The following LPP variants were observed in gnomAD, a reference collection of about 807,000 sequenced individuals.
LPP encodes the protein lipoma-preferred partner.
Under a neutral mutation model 60.4 loss-of-function variants are expected in LPP, and 38 were observed. That is an observed-to-expected ratio of 0.63 (90% CI 0.49 to 0.83). The LOEUF is 0.83. Among genes scored for constraint, LPP ranks in the 40% least tolerant of loss-of-function variants. LPP has a pLI of 0.00. For synonymous variants in LPP, 328 were observed against 290.8 expected (o/e 1.13, Z -1.30); for missense variants, 902 against 783.6 (o/e 1.15, Z -1.80).
At chr3:188,678,693 C>T (rs1407408468) in intron 7 of LPP, among the ~76,000 whole-genome samples, 3 of 152,084 alleles carry the variant, frequency 2.0e-5, no homozygotes, top group African/African-American at 7.2e-5. Flanking sequence ...TTTTTGGGCA[C>T]CCTCAATGGC....
chr3:188,787,235 T>C (rs1407583154), intron 9 of LPP, among the ~76,000 whole-genome samples: 3 of 152,196 alleles, frequency 2.0e-5, no homozygotes, highest in Non-Finnish European at 4.4e-5. Context: ...TAAAGGGTAC[T>C]TAGATCTCTA....
chr3:188,767,177 TA>T (rs1734418594), intron 9 of LPP, among the ~76,000 whole-genome samples: 1 of 151,940 alleles, frequency 6.6e-6, no homozygotes, highest in African/African-American at 2.4e-5. Flanking sequence ...AAACTACTGG[TA>T]AAAAAATAAA....
chr3:188,505,152 C>A (rs1813085713), intron 5 of LPP, among the ~76,000 whole-genome samples: 1 of 152,160 alleles, frequency 6.6e-6, no homozygotes, highest in Non-Finnish European at 1.5e-5. Context: ...AGACTCTGGA[C>A]TTCCAAAATA....
At chr3:188,184,833 G>A (rs567858967) in intron 1 of LPP, among the ~76,000 whole-genome samples, 1 of 152,076 alleles carries the variant, frequency 6.6e-6, no homozygotes, top group African/African-American at 2.4e-5. Flanking sequence ...GGAGATGTAG[G>A]TTGGGCAGGG....
chr3:188,345,544 C>T (rs1396690987), intron 3 of LPP, among the ~76,000 whole-genome samples: 1 of 152,130 alleles, frequency 6.6e-6, no homozygotes, highest in East Asian at 1.9e-4. Context: ...AGCAAGAGGA[C>T]AGAAGAATAA....
intron 6 of LPP, among the ~76,000 whole-genome samples, chr3:188,532,146 C>T (rs1822346893): frequency 6.6e-6 from 1 of 152,162 alleles, no homozygotes; most frequent in African/African-American, 2.4e-5. Context: ...GTATCTCACA[C>T]CTGGAATCCC....
At chr3:188,519,653 A>G (rs1818332196) in intron 5 of LPP, among the ~76,000 whole-genome samples, 1 of 152,140 alleles carries the variant, frequency 6.6e-6, no homozygotes, top group South Asian at 2.1e-4. Context: ...ACTGAGGTGC[A>G]TATGGGGGAT....
chr3:188,165,536 A>T (rs200042276), intron 1 of LPP, among the ~76,000 whole-genome samples: 1 of 152,194 alleles, frequency 6.6e-6, no homozygotes, highest in Admixed American at 6.5e-5. Context: ...TAGGGTCTAC[A>T]TTGAGAGAAA....
intron 4 of LPP, among the ~76,000 whole-genome samples, chr3:188,459,848 G>T (rs1798601591): frequency 1.3e-5 from 2 of 149,722 alleles, no homozygotes; most frequent in South Asian, 4.2e-4. Context: ...ATGGGGGGGG[G>T]TTCTTTGTTC....
At chr3:188,447,248 C>T (rs1175878962) in intron 4 of LPP, among the ~76,000 whole-genome samples, 2 of 152,162 alleles carry the variant, frequency 1.3e-5, no homozygotes, top group Non-Finnish European at 2.9e-5. Context: ...ATAGAAATTT[C>T]CCACATGATT....
intron 9 of LPP, among the ~76,000 whole-genome samples, chr3:188,780,370 G>C (rs1027939428): frequency 5.9e-5 from 9 of 152,190 alleles, no homozygotes; most frequent in Non-Finnish European, 1.2e-4. Context: ...AATTGGAGCA[G>C]CAAATGGAAT....
At chr3:188,630,191 TAGAA>T (rs1395777148) in intron 7 of LPP, among the ~76,000 whole-genome samples, 2 of 151,958 alleles carry the variant, frequency 1.3e-5, no homozygotes, top group Admixed American at 6.6e-5. Flanking sequence ...AGACAGCCTA[TAGAA>T]AGAGAGAAAA....
chr3:188,471,784 G>A (rs146937317), intron 4 of LPP, among the ~76,000 whole-genome samples: 1 of 152,270 alleles, frequency 6.6e-6, no homozygotes, highest in East Asian at 1.9e-4. Flanking sequence ...TTAATGTAAT[G>A]CATTTATGGT....
intron 7 of LPP, among the ~76,000 whole-genome samples, chr3:188,671,887 G>A (rs1288593034): frequency 6.6e-6 from 1 of 152,104 alleles, no homozygotes; most frequent in African/African-American, 2.4e-5. Flanking sequence ...AGAAATGAGA[G>A]CTCTAAACAT....
chr3:188,689,131 G>C (rs1022208850), intron 7 of LPP, among the ~76,000 whole-genome samples: 1 of 152,198 alleles, frequency 6.6e-6, no homozygotes, highest in Non-Finnish European at 1.5e-5. Flanking sequence ...TGGCTGGAGA[G>C]CCTGTCTATG....
chr3:188,606,835 T>C (rs1319443286), intron 6 of LPP, among the ~76,000 whole-genome samples: 1 of 152,184 alleles, frequency 6.6e-6, no homozygotes, highest in East Asian at 1.9e-4. Context: ...AATAAAGCTT[T>C]GCTTTTCTTT....
intron 6 of LPP, among the ~76,000 whole-genome samples, chr3:188,536,002 ATTTTT>A (rs11293389): frequency 9.8e-4 from 119 of 121,764 alleles, no homozygotes; most frequent in African/African-American, 3.4e-3. Flanking sequence ...TATTACATGA[ATTTTT>A]TTTTTTTTTT....
At chr3:188,657,258 G>GTATATA (rs148151207) in intron 7 of LPP, among the ~76,000 whole-genome samples, 1,543 of 89,724 alleles carry the variant, frequency 0.017, 73 homozygotes, top group Middle Eastern at 0.033. Context: ...CTGTCAAGGT[G>GTATATA]TATATATATA....
At chr3:188,733,026 C>T (rs1721201175) in intron 8 of LPP, among the ~76,000 whole-genome samples, 1 of 151,928 alleles carries the variant, frequency 6.6e-6, no homozygotes, top group South Asian at 2.1e-4. Flanking sequence ...CGAAGAATCC[C>T]ATGTGCAGGT....
Sources: allele counts gnomAD v4.1 joint callset (sites outside exome capture counted in the v4.1 genomes callset), GRCh38; gene constraint gnomAD v4.1.1; transcripts MANE v1.5; gene names NCBI Gene and HGNC (gene_info 2026-07-23, HGNC 2026-07-21).